The following TNFRSF11A variants were observed in gnomAD, a reference collection of about 807,000 sequenced individuals.
TNFRSF11A encodes tumor necrosis factor receptor superfamily member 11A.
A neutral mutation model predicts 55.7 loss-of-function variants in TNFRSF11A; 32 were observed. The observed-to-expected ratio is 0.57, with a 90% confidence interval of 0.43 to 0.77. The LOEUF is 0.77. TNFRSF11A is among the 30% of genes least tolerant of loss of function. The probability of loss-of-function intolerance (pLI) is 0.00; values close to 1 mark genes in which losing one functional copy is unlikely to be tolerated. For missense variants in TNFRSF11A, 753 were observed against 809.8 expected (o/e 0.93, Z 0.85); for synonymous variants, 311 against 331.0 (o/e 0.94, Z 0.65).
At chr18:62,338,179 C>T (rs1406079746) in intron 1 of TNFRSF11A, among the ~76,000 whole-genome samples, 1 of 152,154 alleles carries the variant, frequency 6.6e-6, no homozygotes, top group East Asian at 1.9e-4. Flanking sequence ...CAGAAAATAA[C>T]ATGTGTTGTT....
chr18:62,384,644 T>C (rs1911553700), intron 9 of TNFRSF11A, 107 bp from the exon 10 acceptor site: 2 of 1,371,946 alleles, frequency 1.5e-6, no homozygotes, highest in African/African-American at 2.9e-5. Context: ...CCCCGGGCTG[T>C]GGGAATCCGG....
intron 4 of TNFRSF11A, 136 bp downstream of exon 4, chr18:62,354,670 TG>T: frequency 7.6e-7 from 1 of 1,319,092 alleles, no homozygotes; most frequent in South Asian, 1.3e-5. Context: ...TGGGGAAAGG[TG>T]GGGGCTGATT....
chr18:62,343,392 C>T (rs1295804737), intron 1 of TNFRSF11A, among the ~76,000 whole-genome samples: 1 of 152,114 alleles, frequency 6.6e-6, no homozygotes, highest in Non-Finnish European at 1.5e-5. Flanking sequence ...ACTTGCACTA[C>T]AATTGGGTTA....
chr18:62,388,971 T>C lies in TNFRSF11A; in HGVS notation c.*3937T>C, dbSNP rs531498779. 1.3e-5 allele frequency: 2 copies of C among 152,338 alleles called. No individual in the cohort carries two copies. The highest frequency in any genetic ancestry group is 2.9e-5 in the Non-Finnish European group (2 of 68,064). 9.4% of individuals were successfully genotyped at this position (152,338 alleles called of 1,614,324 possible). On this transcript the variant is annotated 3_prime_UTR_variant, in exon 10 of 10. Coordinates refer to ENST00000586569, the MANE Select transcript of TNFRSF11A (RefSeq NM_003839.4). ...GTCTTTGGTGGAAGAAACGTAGTTTTGAGTTGTTTGCTCTTTGACAGTCTC... is the reference window on the plus strand; with the variant it reads ...GTCTTTGGTGGAAGAAACGTAGTTTCGAGTTGTTTGCTCTTTGACAGTCTC...
At chr18:62,357,926 G>C (rs1050857500) in intron 4 of TNFRSF11A, 1 of 327,910 alleles carries the variant, frequency 3.0e-6, no homozygotes. Context: ...CAGGGGAGTG[G>C]CTCAGAACAA....
At chr18:62,356,412 C>G (rs1600387208) in intron 4 of TNFRSF11A, among the ~76,000 whole-genome samples, 2 of 152,208 alleles carry the variant, frequency 1.3e-5, no homozygotes, top group East Asian at 3.8e-4. Flanking sequence ...CCTCTGAATT[C>G]TGATTCTAAA....
intron 1 of TNFRSF11A, among the ~76,000 whole-genome samples, chr18:62,338,239 A>G (rs1413316720): frequency 1.3e-5 from 2 of 152,212 alleles, no homozygotes; most frequent in Non-Finnish European, 2.9e-5. Context: ...GGGAATGTGC[A>G]ATGATGCCAC....
chr18:62,368,751 G>T lies in TNFRSF11A; in HGVS notation c.834G>T (p.Gln278His). ...CVSTHTANFG[Q>H]QGACEGVLLL... is the part of the protein sequence containing the mutation. ...GTACACACACGGCAAACTTTGGTCA[G>T]CAGGGAGCATGTGAAGGTGTCTTAC... is the stretch of plus-strand genomic sequence containing the variant. The change falls in exon 9 of 10, where the codon CAG becomes CAT. Residue 278 changes from glutamine (Q) to histidine (H), a missense_variant. Gln to His is a conservative substitution (Grantham distance 24). Transcript: ENST00000586569. 1 of 1,614,242 alleles carries T rather than the reference G, an allele frequency of 6.2e-7. No homozygotes were observed. The highest frequency in any genetic ancestry group is 8.5e-7 in the Non-Finnish European group (1 of 1,180,046).
intron 7 of TNFRSF11A, 125 bp from the exon 8 acceptor site, chr18:62,366,583 T>C: frequency 1.9e-6 from 2 of 1,040,520 alleles, no homozygotes; most frequent in Non-Finnish European, 3.0e-6. Context: ...ATAGTAACCA[T>C]TTTACTATCT....
At chr18:62,340,783 G>A (rs2145264771) in intron 1 of TNFRSF11A, among the ~76,000 whole-genome samples, 1 of 152,298 alleles carries the variant, frequency 6.6e-6, no homozygotes, top group Middle Eastern at 3.4e-3. Flanking sequence ...GGACCTCCAA[G>A]TTTTTAATGT....
chr18:62,343,822 C>T (rs549111613), intron 1 of TNFRSF11A, among the ~76,000 whole-genome samples: 1 of 152,294 alleles, frequency 6.6e-6, no homozygotes, highest in Admixed American at 6.5e-5. Context: ...TTTGTATGTG[C>T]AGAGAATATT....
chr18:62,367,788 C>CA (rs1910200420), intron 8 of TNFRSF11A, among the ~76,000 whole-genome samples: 1 of 78,670 alleles, frequency 1.3e-5, no homozygotes, highest in East Asian at 4.0e-4. Flanking sequence ...TCTTCTTCTT[C>CA]TTTTTTTTTT....
intron 4 of TNFRSF11A, among the ~76,000 whole-genome samples, chr18:62,357,435 T>C (rs1369158398): frequency 6.6e-6 from 1 of 152,234 alleles, no homozygotes; most frequent in East Asian, 1.9e-4. Context: ...CAGGATCAGC[T>C]CCTACTTTCA....
chr18:62,331,944 G>A (rs1042681304), intron 1 of TNFRSF11A, among the ~76,000 whole-genome samples: 1 of 152,178 alleles, frequency 6.6e-6, no homozygotes, highest in East Asian at 1.9e-4. Flanking sequence ...AGATTTCCAA[G>A]TATCAGGAAG....
chr18:62,348,091 A>G, intron 1 of TNFRSF11A, 77 bp from the exon 2 acceptor site: 2 of 885,792 alleles, frequency 2.3e-6, no homozygotes, highest in Non-Finnish European at 3.7e-6. Flanking sequence ...TAATTTGGTG[A>G]TTCCCTTTTT....
chr18:62,348,323 C>T (rs1014238636), intron 2 of TNFRSF11A, 74 bp downstream of exon 2: 1 of 1,401,128 alleles, frequency 7.1e-7, no homozygotes, highest in South Asian at 1.2e-5. Flanking sequence ...TTCTGTCTGC[C>T]AGATGAAAAA....
intron 1 of TNFRSF11A, among the ~76,000 whole-genome samples, chr18:62,337,633 C>T (rs112510867): frequency 8.5e-5 from 13 of 152,320 alleles, no homozygotes; most frequent in African/African-American, 3.1e-4. Flanking sequence ...TGGCTTTAAG[C>T]AGGACTCCAC....
intron 6 of TNFRSF11A, 148 bp from the exon 7 acceptor site, chr18:62,361,532 C>G: frequency 3.8e-6 from 3 of 790,138 alleles, no homozygotes; most frequent in Non-Finnish European, 6.8e-6. Flanking sequence ...TGCTCGCGGA[C>G]AAAGGGCAGC....
Position 62,325,464 on chromosome 18 carries a change from G to C in TNFRSF11A, c.75+37G>C, listed in dbSNP as rs2145223504. Reference sequence around the variant, plus strand: ...CCGCGCCTGCCGGGCCGCGCGGCCCGACGCCTCCTCGGGAGCCCCGGGAAG... The same window carrying C: ...CCGCGCCTGCCGGGCCGCGCGGCCCCACGCCTCCTCGGGAGCCCCGGGAAG... On this transcript the variant is annotated intron_variant, in intron 1 of 9. Transcript: ENST00000586569. This position sits in a 1 kb window ranked among gnomAD's most constrained non-coding sequence, Gnocchi z 4.7. 1 of 1,192,808 alleles carries C rather than the reference G, an allele frequency of 8.4e-7. No homozygotes were observed. Among genetic ancestry groups the C allele is most frequent in the Non-Finnish European group, 1.1e-6 (1 of 950,870 alleles). 73.9% of individuals were successfully genotyped at this position (1,192,808 alleles called of 1,614,324 possible).
Sources: allele counts gnomAD v4.1 joint callset (sites outside exome capture counted in the v4.1 genomes callset), GRCh38; gene constraint gnomAD v4.1.1; non-coding constraint Gnocchi (gnomAD v3.1); transcripts MANE v1.5; gene names NCBI Gene and HGNC (gene_info 2026-07-23, HGNC 2026-07-21).